The following GRID2 variants were observed in gnomAD, a reference collection of about 807,000 sequenced individuals.
GRID2 encodes glutamate ionotropic receptor delta type subunit 2.
A neutral mutation model predicts 114.8 loss-of-function variants in GRID2; 33 were observed. The ratio of observed to expected loss-of-function variants is 0.29; its 90% CI spans 0.22 to 0.38. The LOEUF (loss-of-function observed/expected upper bound fraction) is 0.38, where lower values mean the gene tolerates loss of function less well. GRID2 is among the 10% of genes least tolerant of loss of function. The probability of loss-of-function intolerance (pLI) is 1.00; values close to 1 mark genes in which losing one functional copy is unlikely to be tolerated. For synonymous variants in GRID2, 505 were observed against 449.9 expected (o/e 1.12, Z -1.55); for missense variants, 1,184 against 1,257.7 (o/e 0.94, Z 0.89).
chr4:93,426,058 C>G lies in GRID2; in HGVS notation c.1545+3090C>G, dbSNP rs560827426. Reference sequence around the variant, plus strand: ...TAAAGTACTCAGAAGGCTAGAGGATCTAACCTAAATTGTTTGTAAGGAATG... The same window carrying G: ...TAAAGTACTCAGAAGGCTAGAGGATGTAACCTAAATTGTTTGTAAGGAATG... On this transcript the variant is annotated intron_variant, in intron 10 of 15. Coordinates refer to ENST00000282020, the MANE Select transcript of GRID2 (RefSeq NM_001510.4). Among the ~76,000 whole-genome samples, 9 of 152,218 alleles carry G rather than the reference C, an allele frequency of 5.9e-5. No individual in the cohort carries two copies. The East Asian group carries it at 1.7e-3, about 29-fold the overall frequency.
At position 92,946,141 on chromosome 4, in the gene GRID2, A is replaced by G. The variant is rs533203124; in HGVS notation, c.245-138854A>G. On this transcript the variant is annotated intron_variant, in intron 2 of 15. Transcript: ENST00000282020. Reference sequence around the variant, plus strand: ...CATATTCTTCAACCGCTGTTTCCTTAAAATGATTCATTGACACAAAAAATG... The same window carrying G: ...CATATTCTTCAACCGCTGTTTCCTTGAAATGATTCATTGACACAAAAAATG... 2.6e-5 allele frequency among the ~76,000 whole-genome samples: 4 copies of G among 152,272 alleles called. No individual in the cohort carries two copies. The East Asian group carries it at 7.7e-4, about 29-fold the overall frequency.
At chr4:93,544,853 T>A (rs1009372345) in intron 13 of GRID2, among the ~76,000 whole-genome samples, 47 of 151,966 alleles carry the variant, frequency 3.1e-4, no homozygotes, top group Non-Finnish European at 4.6e-4. Context: ...AGATGTTAAG[T>A]AAGTGGCATA....
intron 2 of GRID2, among the ~76,000 whole-genome samples, chr4:92,628,947 G>C (rs1730656821): frequency 6.6e-6 from 1 of 151,810 alleles, no homozygotes; most frequent in South Asian, 2.1e-4. Context: ...GCCAGTAATT[G>C]TGGGGTGGCA....
intron 2 of GRID2, among the ~76,000 whole-genome samples, chr4:92,734,599 T>A (rs1166533161): frequency 1.3e-5 from 2 of 151,882 alleles, no homozygotes; most frequent in Non-Finnish European, 2.9e-5. Flanking sequence ...TTTTTTTACT[T>A]GGTGAAATTT....
intron 2 of GRID2, among the ~76,000 whole-genome samples, chr4:92,916,522 C>A (rs1748809967): frequency 1.3e-5 from 2 of 152,054 alleles, no homozygotes; most frequent in South Asian, 2.1e-4. Flanking sequence ...GCCCCCACCC[C>A]ACAACAGGCC....
chr4:93,644,366 T>TA (rs1721910175), intron 14 of GRID2, among the ~76,000 whole-genome samples: 1 of 152,032 alleles, frequency 6.6e-6, no homozygotes, highest in South Asian at 2.1e-4. Context: ...ATGATATTTT[T>TA]ACCAATGTTC....
chr4:93,140,160 C>CTTTTTTTTTTTTTTTT (rs10684978), intron 4 of GRID2, among the ~76,000 whole-genome samples: 5 of 128,264 alleles, frequency 3.9e-5, no homozygotes, highest in African/African-American at 6.0e-5. Flanking sequence ...CTTTTCTTTT[C>CTTTTTTTTTTTTTTTT]TTTTTTTTTT....
At chr4:92,473,933 T>C (rs1722162561) in intron 1 of GRID2, among the ~76,000 whole-genome samples, 1 of 150,594 alleles carries the variant, frequency 6.6e-6, no homozygotes, top group Non-Finnish European at 1.5e-5. Flanking sequence ...TAGCTAAAAA[T>C]CATACCCATC....
chr4:93,458,860 C>T (rs1046607704), intron 11 of GRID2, among the ~76,000 whole-genome samples: 1 of 151,694 alleles, frequency 6.6e-6, no homozygotes, highest in African/African-American at 2.4e-5. Context: ...AGAGAAGGAC[C>T]AAGAATGCGA....
chr4:93,696,347 A>C (rs1444468558), intron 14 of GRID2, among the ~76,000 whole-genome samples: 2 of 152,190 alleles, frequency 1.3e-5, no homozygotes, highest in African/African-American at 4.8e-5. Context: ...GCCGATAATC[A>C]ACTGCTCAAT....
chr4:92,304,771 G>C lies in GRID2; in HGVS notation c.88+27G>C, dbSNP rs767994413. 4.6e-6 allele frequency: 7 copies of C among 1,507,066 alleles called. No individual in the cohort carries two copies. The South Asian group carries it at 7.9e-5, about 17-fold the overall frequency. 93.4% of individuals were successfully genotyped at this position (1,507,066 alleles called of 1,614,324 possible). On this transcript the variant is annotated intron_variant, in intron 1 of 15. Coordinates refer to ENST00000282020, the MANE Select transcript of GRID2 (RefSeq NM_001510.4). ...TAAGAAAGTGTTGGTGCAGCTCGTG[G>C]TTACTTTTACCGTTTCAGTTCTCAA...
chr4:92,747,441 G>A (rs1166080345), intron 2 of GRID2, among the ~76,000 whole-genome samples: 2 of 152,038 alleles, frequency 1.3e-5, no homozygotes, highest in African/African-American at 4.8e-5. Context: ...AGTAAAAGAT[G>A]CATTATTCAG....
At chr4:92,893,163 G>T (rs1267349918) in intron 2 of GRID2, among the ~76,000 whole-genome samples, 1 of 152,076 alleles carries the variant, frequency 6.6e-6, no homozygotes, top group African/African-American at 2.4e-5. Flanking sequence ...TCAGAATGTA[G>T]ATTTTTTTTC....
intron 2 of GRID2, among the ~76,000 whole-genome samples, chr4:92,853,051 A>G (rs1367626742): frequency 6.6e-6 from 1 of 152,022 alleles, no homozygotes; most frequent in East Asian, 1.9e-4. Flanking sequence ...TCTTAGAAGC[A>G]GAGGCAAATC....
chr4:92,511,469 T>C (rs921158793), intron 1 of GRID2, among the ~76,000 whole-genome samples: 4 of 151,824 alleles, frequency 2.6e-5, no homozygotes, highest in African/African-American at 9.7e-5. Context: ...TCCAATCTGG[T>C]ACACTTCTGA....
intron 2 of GRID2, among the ~76,000 whole-genome samples, chr4:93,040,690 C>G (rs904764320): frequency 6.6e-6 from 1 of 152,138 alleles, no homozygotes; most frequent in African/African-American, 2.4e-5. Flanking sequence ...AACAGTGTTA[C>G]ACTGAGAATA....
At chr4:93,589,323 A>G (rs1230648984) in intron 13 of GRID2, among the ~76,000 whole-genome samples, 1 of 150,658 alleles carries the variant, frequency 6.6e-6, no homozygotes, top group African/African-American at 2.4e-5. Flanking sequence ...TGTTCTTGCG[A>G]TAGTTTACTG....
chr4:92,624,647 C>T (rs1379498077), intron 2 of GRID2, among the ~76,000 whole-genome samples: 5 of 151,626 alleles, frequency 3.3e-5, no homozygotes, highest in South Asian at 4.2e-4. Flanking sequence ...TCAGTAAATT[C>T]GAATGTTTGA....
intron 1 of GRID2, among the ~76,000 whole-genome samples, chr4:92,415,452 T>G (rs912612799): frequency 1.3e-5 from 2 of 151,778 alleles, no homozygotes; most frequent in African/African-American, 4.8e-5. Flanking sequence ...TGTGTAGTCT[T>G]TTATTCCTCA....
Sources: allele counts gnomAD v4.1 joint callset (sites outside exome capture counted in the v4.1 genomes callset), GRCh38; gene constraint gnomAD v4.1.1; transcripts MANE v1.5; gene names NCBI Gene and HGNC (gene_info 2026-07-23, HGNC 2026-07-21).